The following SFXN2 variants were observed in gnomAD, a reference collection of about 807,000 sequenced individuals.
SFXN2 encodes the protein sideroflexin 2.
In SFXN2, 37 loss-of-function variants were observed where a neutral mutation model predicts 41.9. That is an observed-to-expected ratio of 0.88 (90% CI 0.68 to 1.16). The LOEUF (loss-of-function observed/expected upper bound fraction) is 1.16. Ranked by LOEUF, SFXN2 falls within the 50% of genes most tolerant of loss-of-function variation. The pLI is 0.00. For synonymous variants in SFXN2, 150 were observed against 156.7 expected, an observed-to-expected ratio of 0.96 and a Z score of 0.32; for missense variants, 386 against 425.2, an observed-to-expected ratio of 0.91 and a Z score of 0.81.
chr10:102,718,795 TCTTGAA>T lies in SFXN2; in HGVS notation c.-26+4123_-26+4128del, dbSNP rs1342670154. 1.6e-4 allele frequency among the ~76,000 whole-genome samples: 24 copies of T among 152,248 alleles called. No individual in the cohort carries two copies. The East Asian group carries it at 4.6e-3, about 29-fold the overall frequency. Reference sequence around the variant, plus strand: ...CCAACACTGTCCCTTCTGCCTCCTTTCTTGAACTTGAACTCCTGGCCTCCCAAAGTG... The same window carrying T: ...CCAACACTGTCCCTTCTGCCTCCTTTCTTGAACTCCTGGCCTCCCAAAGTG... On this transcript the variant is annotated intron_variant, in intron 1 of 11. Coordinates refer to ENST00000369893, the MANE Select transcript of SFXN2 (RefSeq NM_178858.6).
At chr10:102,729,255 A>C in intron 4 of SFXN2, 64 bp from the exon 5 acceptor site, 1 of 1,534,286 alleles carries the variant, frequency 6.5e-7, no homozygotes, top group Non-Finnish European at 9.0e-7. Flanking sequence ...TTTCTCCCTG[A>C]AGCCCGTGGT....
chr10:102,724,633 C>G (rs561966461), intron 1 of SFXN2, among the ~76,000 whole-genome samples: 2 of 151,854 alleles, frequency 1.3e-5, no homozygotes, highest in East Asian at 3.9e-4. Flanking sequence ...ACACGGGAGG[C>G]AGAGGTTGAA....
chr10:102,720,857 C>T (rs1230770619), intron 1 of SFXN2, among the ~76,000 whole-genome samples: 3 of 152,184 alleles, frequency 2.0e-5, no homozygotes, highest in Non-Finnish European at 4.4e-5. Flanking sequence ...CACACACACA[C>T]CATCTTCCAG....
intron 9 of SFXN2, among the ~76,000 whole-genome samples, chr10:102,733,304 C>G (rs1350903497): frequency 1.8e-5 from 1 of 55,820 alleles, no homozygotes; most frequent in Non-Finnish European, 3.7e-5. Flanking sequence ...CCTGCCACCA[C>G]GCCCAGCTAT....
chr10:102,737,454 T>G (rs1315547025), intron 11 of SFXN2, among the ~76,000 whole-genome samples: 1 of 152,150 alleles, frequency 6.6e-6, no homozygotes, highest in Non-Finnish European at 1.5e-5. Flanking sequence ...TGTAATCTTG[T>G]GGAGAAGATG....
At chr10:102,716,282 TTG>T (rs1360117649) in intron 1 of SFXN2, 1 of 152,124 alleles carries the variant, frequency 6.6e-6, no homozygotes, top group Non-Finnish European at 1.5e-5. Flanking sequence ...TCAGTGGTCT[TTG>T]TGTCTGACCT....
At chr10:102,717,518 C>T (rs918141808) in intron 1 of SFXN2, among the ~76,000 whole-genome samples, 1 of 152,116 alleles carries the variant, frequency 6.6e-6, no homozygotes, top group African/African-American at 2.4e-5. Context: ...GTAGTGGGAC[C>T]ATACAGAAGT....
chr10:102,729,247 T>G, intron 4 of SFXN2, 72 bp from the exon 5 acceptor site: 1 of 1,476,836 alleles, frequency 6.8e-7, no homozygotes, highest in Non-Finnish European at 9.4e-7. Flanking sequence ...CAGCCGACTT[T>G]CTCCCTGAAG....
rs1186422594 is a variant in SFXN2 at position 102,728,524 on chromosome 10, A to C, written c.426A>C (p.Ser142=). The change falls in exon 4 of 12, where the codon TCA becomes TCC. Residue 142 remains serine (S), a synonymous_variant. Coordinates refer to ENST00000369893, the MANE Select transcript of SFXN2 (RefSeq NM_178858.6). ...YTNRNAASPT[S]VRQMALSYFT... ...ACAGGAATGCGGCTTCCCCCACATC[A>C]GTCAGGTAGGAGACCTGAACCCCAG... 1 of 1,613,716 alleles carries C rather than the reference A, an allele frequency of 6.2e-7. No homozygotes were observed. The highest frequency in any genetic ancestry group is 1.1e-5 in the South Asian group (1 of 91,078).
intron 11 of SFXN2, among the ~76,000 whole-genome samples, chr10:102,736,486 G>A (rs984539064): frequency 2.0e-5 from 3 of 148,680 alleles, no homozygotes; most frequent in African/African-American, 7.5e-5. Context: ...CAGAGGTGCA[G>A]TCTCGGCTCA....
chr10:102,737,822 G>A lies in SFXN2; in HGVS notation c.*60G>A. The A allele has an allele frequency of 4.3e-6, 5 of 1,175,958 alleles. No individual in the cohort carries two copies. Among genetic ancestry groups the A allele is most frequent in the South Asian group, 1.3e-5 (1 of 77,388 alleles). The allele number at this position is 1,175,958 out of a possible 1,614,324, so 72.8% of individuals were successfully genotyped here. On this transcript the variant is annotated 3_prime_UTR_variant, in exon 12 of 12. Coordinates refer to ENST00000369893, the MANE Select transcript of SFXN2 (RefSeq NM_178858.6). Reference sequence around the variant, plus strand: ...TATTCACCAGCTCCTCCTTAGCTACGTGCACACTTGTGTCCTCCTTCCCCT... The same window carrying A: ...TATTCACCAGCTCCTCCTTAGCTACATGCACACTTGTGTCCTCCTTCCCCT...
Position 102,742,407 on chromosome 10 carries a change from CA to C in SFXN2, c.*4646del, listed in dbSNP as rs1206311337. ...CGAACTCCTGACCATGTGATCCGCC[CA>C]CCTCGGCCTCCCAAAGTGCTGGGAT... On this transcript the variant is annotated 3_prime_UTR_variant, in exon 12 of 12. Coordinates refer to ENST00000369893, the MANE Select transcript of SFXN2 (RefSeq NM_178858.6). 6.6e-6 allele frequency: 1 copy of C among 151,894 alleles called. No homozygotes were observed. The highest frequency in any genetic ancestry group is 2.4e-5 in the African/African-American group (1 of 41,268). 9.4% of individuals were successfully genotyped at this position (151,894 alleles called of 1,614,324 possible). A position where few individuals can be genotyped will look rare whatever the true frequency, so the allele number is the denominator to read the frequency against.
In SFXN2 at chr10:102,735,736, G is replaced by C. The variant is rs147411896; in HGVS notation, c.822-126G>C. 1,232 of 903,492 alleles carry C rather than the reference G, an allele frequency of 1.4e-3. 13 individuals are homozygous for C. In the African/African-American group the frequency reaches 0.018, roughly 13 times the overall value. 56.0% of individuals were successfully genotyped at this position (903,492 alleles called of 1,614,324 possible). A position where few individuals can be genotyped will look rare whatever the true frequency, so the allele number is the denominator to read the frequency against. ...GGGAACAGGAGGAGGGTTGGAGGGA[G>C]AGGATATGGTGCCAGCTGGGAAGGC... On this transcript the variant is annotated intron_variant, in intron 10 of 11. Transcript: ENST00000369893.
At chr10:102,728,705 G>T in intron 4 of SFXN2, 176 bp downstream of exon 4, 1 of 587,940 alleles carries the variant, frequency 1.7e-6, no homozygotes, top group Non-Finnish European at 3.0e-6. Flanking sequence ...CTTCTTCCTA[G>T]ACCAATTCCA....
At chr10:102,718,460 T>A (rs922873516) in intron 1 of SFXN2, among the ~76,000 whole-genome samples, 1 of 152,244 alleles carries the variant, frequency 6.6e-6, no homozygotes, top group Admixed American at 6.5e-5. Flanking sequence ...CTCCTCCCAC[T>A]CTTGCTTCAG....
chr10:102,727,166 T>TG lies in SFXN2; in HGVS notation c.332+14dup. 1 of 1,590,364 alleles carries TG rather than the reference T, an allele frequency of 6.3e-7. No homozygotes were observed. The highest frequency in any genetic ancestry group is 1.3e-5 in the African/African-American group (1 of 74,612). Reference sequence around the variant, plus strand: ...ATGCTCCAGTTCTACAGGTGGGACCTGGGGGCAGGGCCGTGGGAGGTACAG... The same window carrying TG: ...ATGCTCCAGTTCTACAGGTGGGACCTGGGGGGCAGGGCCGTGGGAGGTACAG... On this transcript the variant is annotated intron_variant, in intron 3 of 11. Coordinates refer to ENST00000369893, the MANE Select transcript of SFXN2 (RefSeq NM_178858.6).
chr10:102,737,874 T>C lies in SFXN2; in HGVS notation c.*112T>C. On this transcript the variant is annotated 3_prime_UTR_variant, in exon 12 of 12. Transcript: ENST00000369893. ...TGCCAACAAGGCCTGAAGGCCAGGGTAGATTGGGGGGTGGGACAATGAATG... is the reference window on the plus strand; with the variant it reads ...TGCCAACAAGGCCTGAAGGCCAGGGCAGATTGGGGGGTGGGACAATGAATG... The C allele has an allele frequency of 1.5e-6, 1 of 689,608 alleles. No homozygotes were observed. The highest frequency in any genetic ancestry group is 2.5e-6 in the Non-Finnish European group (1 of 404,746). 42.7% of individuals were successfully genotyped at this position (689,608 alleles called of 1,614,324 possible).
intron 1 of SFXN2, among the ~76,000 whole-genome samples, chr10:102,718,918 C>CT (rs34471332): frequency 0.3 from 21,995 of 74,206 alleles, 3,220 homozygotes; most frequent in Middle Eastern, 0.34. Flanking sequence ...TTCTCGGCTT[C>CT]TTTTTTTTTT....
chr10:102,732,909 G>T lies in SFXN2; in HGVS notation c.771+1G>T. 1 of 1,614,094 alleles carries T rather than the reference G, an allele frequency of 6.2e-7. No homozygotes were observed. On this transcript the variant is annotated splice_donor_variant, in intron 9 of 11. Transcript: ENST00000369893. LOFTEE classifies it high-confidence loss of function. ...GCTTGAGAAATTGCACTTCATGCAG[G>T]TATGTAGGGTTTGCTTTGGCATTTT...
Sources: allele counts gnomAD v4.1 joint callset (sites outside exome capture counted in the v4.1 genomes callset), GRCh38; gene constraint gnomAD v4.1.1; transcripts MANE v1.5; gene names NCBI Gene and HGNC (gene_info 2026-07-23, HGNC 2026-07-21).